Variants in P2RX4 observed in about 807,000 individuals in gnomAD.
P2RX4 encodes purinergic receptor P2X 4, also known as P2X purinoceptor 4.
P2RX4 carries 37 observed loss-of-function variants against 48.0 expected under a neutral mutation model. The ratio of observed to expected loss-of-function variants is 0.77; its 90% CI spans 0.59 to 1.01. P2RX4 has a LOEUF of 1.01. Ranked by LOEUF, P2RX4 falls within the 50% of genes least tolerant of loss-of-function variation. The probability of loss-of-function intolerance (pLI) is 0.00; values close to 1 mark genes in which losing one functional copy is unlikely to be tolerated. For synonymous variants in P2RX4, 200 were observed against 199.7 expected (o/e 1.00, Z -0.01); for missense variants, 501 against 521.4 (o/e 0.96, Z 0.38).
In P2RX4 at chr12:121,234,000, T is replaced by C; in HGVS notation, c.*451T>C. The C allele has an allele frequency of 4.9e-6, 1 of 205,242 alleles. No individual in the cohort carries two copies. The highest frequency in any genetic ancestry group is 1.0e-5 in the Non-Finnish European group (1 of 98,464). 12.7% of individuals were successfully genotyped at this position (205,242 alleles called of 1,614,324 possible). ...TTGTAGCAGGCCTGGGCTGCAGGCT[T>C]CCCCCCGACCATTCCCTGCAGCCAT... On this transcript the variant is annotated 3_prime_UTR_variant, in exon 12 of 12. Transcript: ENST00000337233.
At chr12:121,221,197 T>TG (rs1566003236) in intron 2 of P2RX4, among the ~76,000 whole-genome samples, 1,370 of 91,042 alleles carry the variant, frequency 0.015, 14 homozygotes, top group African/African-American at 0.064. Context: ...TGTGTGTGTG[T>TG]TTTTAGTACA....
At position 121,233,242 on chromosome 12, in the gene P2RX4, T is replaced by G. The variant is rs558798640; in HGVS notation, c.1140+150T>G. 4.4e-5 allele frequency: 29 copies of G among 660,186 alleles called. No individual in the cohort carries two copies. In the African/African-American group the frequency reaches 4.7e-4, roughly 11 times the overall value. The allele number at this position is 660,186 out of a possible 1,614,324, so 40.9% of individuals were successfully genotyped here. ...GTTAACCCGGGCAGTCCTGCCACTC[T>G]CAGCAGCTGCTCCATCCCTAGGCCC... is the stretch of plus-strand genomic sequence containing the variant. On this transcript the variant is annotated intron_variant, in intron 11 of 11. Coordinates refer to ENST00000337233, the MANE Select transcript of P2RX4 (RefSeq NM_002560.3).
At chr12:121,212,148 A>G (rs1370501325) in intron 1 of P2RX4, among the ~76,000 whole-genome samples, 1 of 152,208 alleles carries the variant, frequency 6.6e-6, no homozygotes, top group Non-Finnish European at 1.5e-5. Flanking sequence ...CTTTGGGGTG[A>G]GGTTTGGAAT....
rs374225500 is a variant in P2RX4 at position 121,232,528 on chromosome 12, C to T, written c.978+21C>T. Reference sequence around the variant, plus strand: ...GGAAGGTAGCTCGCCGCCACTGGCTCCCCTCCGTCACTCCCTGCAGGGACA... The same window carrying T: ...GGAAGGTAGCTCGCCGCCACTGGCTTCCCTCCGTCACTCCCTGCAGGGACA... On this transcript the variant is annotated intron_variant, in intron 9 of 11. Coordinates refer to ENST00000337233, the MANE Select transcript of P2RX4 (RefSeq NM_002560.3). This position sits in a 1 kb window ranked among gnomAD's most constrained non-coding sequence, Gnocchi z 4.3. 90 of 1,610,254 alleles carry T rather than the reference C, an allele frequency of 5.6e-5. No individual in the cohort carries two copies. In the African/African-American group the frequency reaches 9.6e-4, roughly 17 times the overall value.
At chr12:121,212,532 A>C (rs913402274) in intron 1 of P2RX4, among the ~76,000 whole-genome samples, 1 of 149,506 alleles carries the variant, frequency 6.7e-6, no homozygotes, top group South Asian at 2.1e-4. Context: ...TCATGCCTAT[A>C]ATCTCAGCAC....
chr12:121,221,592 A>G lies in P2RX4; in HGVS notation c.283-321A>G, dbSNP rs1261903801. ...TATTTTTAGTAGAGACGGGGGTTTC[A>G]CTGTGTTGACCAGGCTGGTCTTGAA... is the stretch of plus-strand genomic sequence containing the variant. On this transcript the variant is annotated intron_variant, in intron 2 of 11. Coordinates refer to ENST00000337233, the MANE Select transcript of P2RX4 (RefSeq NM_002560.3). Among the ~76,000 whole-genome samples the G allele has an allele frequency of 2.7e-5, 4 of 150,738 alleles. No individual in the cohort carries two copies. The East Asian group carries it at 7.9e-4, about 30-fold the overall frequency.
Position 121,233,915 on chromosome 12 carries a change from G to C in P2RX4, c.*366G>C, listed in dbSNP as rs1166423209. The C allele has an allele frequency of 6.6e-6, 2 of 302,416 alleles. No homozygotes were observed. Among genetic ancestry groups the C allele is most frequent in the East Asian group, 6.8e-5 (1 of 14,628 alleles). 18.7% of individuals were successfully genotyped at this position (302,416 alleles called of 1,614,324 possible). A position where few individuals can be genotyped will look rare whatever the true frequency, so the allele number is the denominator to read the frequency against. ...GGACAGGCCCAGTCCTCTGAGGCAC[G>C]GCGGCTCTGTTCAAGCACTTTATGC... On this transcript the variant is annotated 3_prime_UTR_variant, in exon 12 of 12. Transcript: ENST00000337233.
chr12:121,212,829 T>A (rs1276707996), intron 1 of P2RX4: 9 of 122,304 alleles, frequency 7.4e-5, no homozygotes, highest in Non-Finnish European at 1.4e-4. Flanking sequence ...TATATATTTT[T>A]TTTTTTTTTT....
chr12:121,222,942 T>G lies in P2RX4; in HGVS notation c.428-5T>G. On this transcript the variant is annotated splice_polypyrimidine_tract_variant and splice_region_variant and intron_variant, in intron 4 of 11. Coordinates refer to ENST00000337233, the MANE Select transcript of P2RX4 (RefSeq NM_002560.3). ...GGGACCCCCCTGCCACCCTTGTGCT[T>G]GTAGGAGTCTCAACAGGCAGGTGCG... is the stretch of plus-strand genomic sequence containing the variant. 1.9e-6 allele frequency: 3 copies of G among 1,606,464 alleles called. No individual in the cohort carries two copies. Among genetic ancestry groups the G allele is most frequent in the Non-Finnish European group, 2.6e-6 (3 of 1,173,224 alleles).
intron 4 of P2RX4, 147 bp from the exon 5 acceptor site, chr12:121,222,800 C>T: frequency 6.5e-7 from 1 of 1,531,942 alleles, no homozygotes; most frequent in African/African-American, 1.4e-5. Context: ...AACTCCTGGA[C>T]AGTGACACTG....
intron 4 of P2RX4, chr12:121,222,397 T>TG: frequency 7.2e-6 from 4 of 552,374 alleles, no homozygotes; most frequent in African/African-American, 6.1e-5. Flanking sequence ...TGTTTTTTCT[T>TG]GTTTTTTTTT....
intron 2 of P2RX4, among the ~76,000 whole-genome samples, chr12:121,218,607 C>T (rs567985753): frequency 6.6e-6 from 1 of 152,242 alleles, no homozygotes; most frequent in African/African-American, 2.4e-5. Flanking sequence ...TCCCGGTGAG[C>T]TCTGGGAATG....
chr12:121,228,606 T>C lies in P2RX4; in HGVS notation c.598T>C (p.Phe200Leu), dbSNP rs753710750. Residue 200 changes from phenylalanine to leucine, a missense_variant, in exon 6 of 12, where the codon TTC becomes CTC. Transcript: ENST00000337233. The stretch of plus-strand genomic sequence containing the variant: ...CAACATCTGGTATCCCAAATTTAAT[T>C]TCAGCAAGTAAGTGGTGGCCAGGTG... ...KNNIWYPKFN[F>L]SKRNILPNIT... 3 of 1,613,608 alleles carry C rather than the reference T, an allele frequency of 1.9e-6. No homozygotes were observed. The South Asian group carries it at 3.3e-5, about 18-fold the overall frequency.
chr12:121,219,828 TTAGATAGA>T (rs3838806), intron 2 of P2RX4, among the ~76,000 whole-genome samples: 33,067 of 150,214 alleles, frequency 0.22, 4,258 homozygotes, highest in Non-Finnish European at 0.28. Flanking sequence ...ATAGGATAGA[TTAGATAGA>T]TAGATAGATA....
intron 5 of P2RX4, among the ~76,000 whole-genome samples, chr12:121,224,661 A>G (rs1174369983): frequency 6.6e-6 from 1 of 152,236 alleles, no homozygotes; most frequent in East Asian, 1.9e-4. Context: ...TAAACTAGCC[A>G]GGTTCAAGGT....
intron 1 of P2RX4, 62 bp downstream of exon 1, chr12:121,210,360 G>T (rs1452622714): frequency 7.2e-6 from 10 of 1,385,282 alleles, no homozygotes; most frequent in African/African-American, 3.1e-5. Context: ...GCCGTGCGGC[G>T]GCTCATCCTG....
rs1221637827 is a variant in P2RX4 at position 121,229,252 on chromosome 12, G to C, written c.884+153G>C. On this transcript the variant is annotated intron_variant, in intron 8 of 11. Transcript: ENST00000337233. This position sits in a 1 kb window ranked among gnomAD's most constrained non-coding sequence, Gnocchi z 4.6. Reference sequence around the variant, plus strand: ...CCAAGGCGGCGGGAAGGCCATGCTGGGAAAATGCCCTTAGTGGTGTCCTGC... The same window carrying C: ...CCAAGGCGGCGGGAAGGCCATGCTGCGAAAATGCCCTTAGTGGTGTCCTGC... Among the ~76,000 whole-genome samples the C allele has an allele frequency of 6.6e-6, 1 of 152,206 alleles. No individual in the cohort carries two copies. Among genetic ancestry groups the C allele is most frequent in the African/African-American group, 2.4e-5 (1 of 41,472 alleles).
intron 5 of P2RX4, among the ~76,000 whole-genome samples, chr12:121,224,620 A>T (rs976589270): frequency 6.6e-5 from 10 of 152,068 alleles, no homozygotes; most frequent in Admixed American, 5.2e-4. Context: ...AAAATTTAAA[A>T]AAATAAATAA....
intron 5 of P2RX4, among the ~76,000 whole-genome samples, chr12:121,227,373 G>A (rs1037710805): frequency 1.3e-5 from 2 of 152,246 alleles, no homozygotes; most frequent in African/African-American, 2.4e-5. Flanking sequence ...GATTCAACTT[G>A]TATTGTCAGC....
Sources: allele counts gnomAD v4.1 joint callset (sites outside exome capture counted in the v4.1 genomes callset), GRCh38; gene constraint gnomAD v4.1.1; non-coding constraint Gnocchi (gnomAD v3.1); transcripts MANE v1.5; gene names NCBI Gene and HGNC (gene_info 2026-07-23, HGNC 2026-07-21).